CRYBG1: variants seen among roughly 807,000 people sequenced by gnomAD.
CRYBG1 encodes the protein beta/gamma crystallin domain-containing protein 1.
Under a neutral mutation model 189.2 loss-of-function variants are expected in CRYBG1, and 139 were observed. The ratio of observed to expected loss-of-function variants is 0.73; its 90% CI spans 0.64 to 0.85. The LOEUF is 0.85. CRYBG1 is among the 40% of genes least tolerant of loss of function. The pLI, the probability that CRYBG1 is intolerant of heterozygous loss-of-function variation, is 0.00. For missense variants in CRYBG1, 2,611 were observed against 2,675.8 expected (o/e 0.98, Z 0.53); for synonymous variants, 1,023 against 1,017.1 (o/e 1.01, Z -0.11).
chr6:106,386,138 T>A (rs1475542570), intron 1 of CRYBG1, among the ~76,000 whole-genome samples: 2 of 152,248 alleles, frequency 1.3e-5, no homozygotes, highest in African/African-American at 4.8e-5. Flanking sequence ...AGAATGTGAA[T>A]AACCTGTTGC....
chr6:106,440,327 T>C (rs1771544659), intron 1 of CRYBG1, among the ~76,000 whole-genome samples: 1 of 151,772 alleles, frequency 6.6e-6, no homozygotes, highest in Non-Finnish European at 1.5e-5. Context: ...TGCAGTGGCA[T>C]GATCTTGGCT....
At chr6:106,483,196 A>T (rs929859955) in intron 2 of CRYBG1, among the ~76,000 whole-genome samples, 60 of 149,850 alleles carry the variant, frequency 4.0e-4, no homozygotes, top group Admixed American at 1.1e-3. Context: ...TATGTTATCT[A>T]CTCTTCTTTG....
At chr6:106,544,163 T>G (rs1413807122) in intron 11 of CRYBG1, among the ~76,000 whole-genome samples, 2 of 152,270 alleles carry the variant, frequency 1.3e-5, no homozygotes, top group African/African-American at 4.8e-5. Context: ...GATTTTTATA[T>G]TTTTGCATCT....
Position 106,520,916 on chromosome 6 carries a change from A to G in CRYBG1, c.3708A>G (p.Arg1236=), listed in dbSNP as rs372150269. The G allele has an allele frequency of 6.2e-7, 1 of 1,614,092 alleles. No individual in the cohort carries two copies. The highest frequency in any genetic ancestry group is 1.3e-5 in the African/African-American group (1 of 74,930). The change falls in exon 4 of 22, where the codon AGA becomes AGG. Residue 1236 remains arginine, a synonymous_variant. Transcript: ENST00000633556. Reference sequence around the variant, plus strand: ...CAAATGGTGGCATTAAGAGATCGAGACTAGAAAAAAGTGCACTTTTCTCAA... The same window carrying G: ...CAAATGGTGGCATTAAGAGATCGAGGCTAGAAAAAAGTGCACTTTTCTCAA... ...DVTNGGIKRS[R]LEKSALFSSL...
At chr6:106,369,426 C>A (rs1769970102) in intron 1 of CRYBG1, among the ~76,000 whole-genome samples, 1 of 152,064 alleles carries the variant, frequency 6.6e-6, no homozygotes, top group African/African-American at 2.4e-5. Flanking sequence ...CTAACTGAGT[C>A]TCAGTCATTA....
At chr6:106,409,090 T>G (rs1177714235) in intron 1 of CRYBG1, among the ~76,000 whole-genome samples, 1 of 152,210 alleles carries the variant, frequency 6.6e-6, no homozygotes, top group Non-Finnish European at 1.5e-5. Context: ...ATCGTCTCTG[T>G]TTGCAAATGA....
At chr6:106,406,521 C>T (rs1770829111) in intron 1 of CRYBG1, among the ~76,000 whole-genome samples, 1 of 152,204 alleles carries the variant, frequency 6.6e-6, no homozygotes, top group South Asian at 2.1e-4. Flanking sequence ...CATTCAAATT[C>T]AGGAAATACA....
intron 18 of CRYBG1, 26 bp downstream of exon 18, chr6:106,558,651 T>C: frequency 6.4e-7 from 1 of 1,571,804 alleles, no homozygotes. Flanking sequence ...GTTGACTCAA[T>C]AAAATAGATC....
At position 106,451,742 on chromosome 6, in the gene CRYBG1, A is replaced by G. The variant is rs1178539423; in HGVS notation, c.222A>G (p.Glu74=). ...AATATGTGGTTCGAGACTCCCAGGA[A>G]TTTCCACTGCACTGTGGGGAATCCC... ...DGKYVVRDSQ[E]FPLHCGESQF... is the part of the protein sequence containing the mutation. The change falls in exon 2 of 22, where the codon GAA becomes GAG. Residue 74 remains glutamate (E), a synonymous_variant. Coordinates refer to ENST00000633556, the MANE Select transcript of CRYBG1 (RefSeq NM_001371242.2). 2.6e-6 allele frequency: 4 copies of G among 1,534,888 alleles called. No homozygotes were observed. The South Asian group carries it at 4.8e-5, about 18-fold the overall frequency.
Position 106,455,911 on chromosome 6 carries a change from C to T in CRYBG1, c.312+4079C>T, listed in dbSNP as rs61052436. On this transcript the variant is annotated intron_variant, in intron 2 of 21. Coordinates refer to ENST00000633556, the MANE Select transcript of CRYBG1 (RefSeq NM_001371242.2). ...GAAGAAAATTAAGCCTCTCCTTCCC[C>T]CTCAAAACAAAAGTAACTCTAATCT... is the stretch of plus-strand genomic sequence containing the variant. 1.3e-3 allele frequency among the ~76,000 whole-genome samples: 196 copies of T among 152,164 alleles called. 1 individual carries two copies. In the Middle Eastern group the frequency reaches 0.014, roughly 11 times the overall value.
At chr6:106,549,461 C>T (rs1259608115) in intron 13 of CRYBG1, among the ~76,000 whole-genome samples, 1 of 152,000 alleles carries the variant, frequency 6.6e-6, no homozygotes, top group South Asian at 2.1e-4. Context: ...GTTTTTAGGC[C>T]GGGAACAGTG....
intron 2 of CRYBG1, among the ~76,000 whole-genome samples, chr6:106,496,212 G>C (rs1190242868): frequency 6.6e-6 from 1 of 152,172 alleles, no homozygotes; most frequent in Admixed American, 6.5e-5. Flanking sequence ...TAACAATCCT[G>C]TAAACTTTTA....
rs530951039 is a variant in CRYBG1 at position 106,482,740 on chromosome 6, A to C, written c.313-28690A>C. On this transcript the variant is annotated intron_variant, in intron 2 of 21. Coordinates refer to ENST00000633556, the MANE Select transcript of CRYBG1 (RefSeq NM_001371242.2). ...CAGTGAGCTGAAATCGTGCCACTGC[A>C]CTGCAGCCTGGGCGACAGAGCGAGA... Among the ~76,000 whole-genome samples the C allele has an allele frequency of 2.0e-5, 3 of 152,270 alleles. No homozygotes were observed. The South Asian group carries it at 6.2e-4, about 32-fold the overall frequency.
intron 1 of CRYBG1, among the ~76,000 whole-genome samples, chr6:106,431,504 GA>G (rs971960066): frequency 2.0e-5 from 3 of 149,078 alleles, no homozygotes; most frequent in Non-Finnish European, 3.0e-5. Context: ...AATAAAAGTT[GA>G]AAAAAAAATA....
chr6:106,525,410 T>G, intron 6 of CRYBG1, 24 bp downstream of exon 6: 2 of 1,563,552 alleles, frequency 1.3e-6, no homozygotes, highest in Non-Finnish European at 1.8e-6. Context: ...TTTAAGTTCC[T>G]GATGTCAAGT....
chr6:106,376,613 T>C (rs921578846), intron 1 of CRYBG1, among the ~76,000 whole-genome samples: 2 of 152,092 alleles, frequency 1.3e-5, no homozygotes, highest in Non-Finnish European at 2.9e-5. Context: ...GTTCCAGTAC[T>C]CACTCCCTCC....
At chr6:106,463,492 C>T (rs2114456306) in intron 2 of CRYBG1, among the ~76,000 whole-genome samples, 1 of 152,274 alleles carries the variant, frequency 6.6e-6, no homozygotes, top group Admixed American at 6.5e-5. Context: ...TTTATTTTCC[C>T]TCTCAGGGTG....
At chr6:106,519,012 A>ACACCACT (rs1773514743) in intron 3 of CRYBG1, 119 bp from the exon 4 acceptor site, 1 of 911,416 alleles carries the variant, frequency 1.1e-6, no homozygotes, top group East Asian at 3.0e-5. Context: ...CACACACCAC[A>ACACCACT]CTCCAAATGT....
intron 10 of CRYBG1, among the ~76,000 whole-genome samples, chr6:106,542,709 T>A (rs934306308): frequency 1.3e-5 from 2 of 151,412 alleles, no homozygotes; most frequent in Non-Finnish European, 1.5e-5. Context: ...TGGAGTGCAG[T>A]GACGTGATCT....
Sources: allele counts gnomAD v4.1 joint callset (sites outside exome capture counted in the v4.1 genomes callset), GRCh38; gene constraint gnomAD v4.1.1; transcripts MANE v1.5; gene names NCBI Gene and HGNC (gene_info 2026-07-23, HGNC 2026-07-21).